Variants in ZNF98 observed in about 807,000 individuals in gnomAD.
ZNF98 encodes zinc finger protein 98.
A neutral mutation model predicts 12.8 loss-of-function variants in ZNF98; 8 were observed. The ratio of observed to expected loss-of-function variants is 0.63; its 90% CI spans 0.37 to 1.13. The LOEUF (loss-of-function observed/expected upper bound fraction) is 1.13. Among genes scored for constraint, ZNF98 ranks in the 50% most tolerant of loss-of-function variants. The pLI is 0.01. For synonymous variants in ZNF98, 112 were observed against 223.5 expected (o/e 0.50, Z 4.45); for missense variants, 379 against 666.1 (o/e 0.57, Z 4.74).
intron 1 of ZNF98, among the ~76,000 whole-genome samples, chr19:22,404,777 C>G (rs1372823254): frequency 6.6e-6 from 1 of 151,874 alleles, no homozygotes; most frequent in Non-Finnish European, 1.5e-5. Flanking sequence ...TCTTTCACAC[C>G]CTAAAGAGCA....
At chr19:22,405,316 T>G (rs1330612491) in intron 1 of ZNF98, among the ~76,000 whole-genome samples, 2 of 146,228 alleles carry the variant, frequency 1.4e-5, no homozygotes, top group African/African-American at 5.0e-5. Context: ...GATGGCCAAC[T>G]AGAAGCAGCT....
intron 1 of ZNF98, among the ~76,000 whole-genome samples, chr19:22,417,322 A>T (rs1238784305): frequency 6.6e-6 from 1 of 151,698 alleles, no homozygotes; most frequent in African/African-American, 2.4e-5. Context: ...ACTGAGGCGT[A>T]GTTGAGGTTA....
rs548046878 is a variant in ZNF98, at chr19:22,411,500, T to C, written c.31-7988A>G. On this transcript the variant is annotated intron_variant, in intron 1 of 3. Transcript: ENST00000357774. Reference sequence around the variant, plus strand: ...TTTCATGTGCTCTTAAAATGAGCTTTACTCTGAACAAATCTGTGCGTACTT... The same window carrying C: ...TTTCATGTGCTCTTAAAATGAGCTTCACTCTGAACAAATCTGTGCGTACTT... 8.7e-4 allele frequency among the ~76,000 whole-genome samples: 132 copies of C among 152,360 alleles called. 1 individual carries two copies. The highest frequency in any genetic ancestry group is 1.6e-3 in the Non-Finnish European group (111 of 68,034).
intron 1 of ZNF98, among the ~76,000 whole-genome samples, chr19:22,411,170 G>T (rs886571656): frequency 6.6e-6 from 1 of 152,108 alleles, no homozygotes; most frequent in Non-Finnish European, 1.5e-5. Flanking sequence ...AGCCTTCCGA[G>T]TAGCTGGAAC....
rs1182894433 is a variant in ZNF98 at position 22,391,905 on chromosome 19, T to C, written c.1330A>G (p.Asn444Asp). 1 of 1,332,558 alleles carries C rather than the reference T, an allele frequency of 7.5e-7. No homozygotes were observed. Among genetic ancestry groups the C allele is most frequent in the African/African-American group, 1.7e-5 (1 of 58,860 alleles). 82.5% of individuals were successfully genotyped at this position (1,332,558 alleles called of 1,614,324 possible). A position where few individuals can be genotyped will look rare whatever the true frequency, so the allele number is the denominator to read the frequency against. ...TGTGTAGTAAGTTGTGATGATAGGTTAAAAGCTTTGCCACATTCTTCACAT... is the reference window on the plus strand; with the variant it reads ...TGTGTAGTAAGTTGTGATGATAGGTCAAAAGCTTTGCCACATTCTTCACAT... ...YKCEECGKAF[N>D]LSSQLTTHKI... Residue 444 changes from asparagine to aspartate, a missense_variant, in exon 4 of 4, where the codon AAC (asparagine) becomes GAC (aspartate). By Grantham distance (23) the Asn-to-Asp change is conservative. This residue lies in a region of ZNF98 where 19 missense variants were observed against 119.7 expected (regional missense o/e 0.16). Transcript: ENST00000357774.
chr19:22,418,005 T>C (rs144720311), intron 1 of ZNF98, among the ~76,000 whole-genome samples: 2,390 of 152,284 alleles, frequency 0.016, 77 homozygotes, highest in African/African-American at 0.055. Flanking sequence ...CAGAGTTTTA[T>C]TCCAGGCCAG....
chr19:22,394,417 C>G (rs529707454), intron 3 of ZNF98, among the ~76,000 whole-genome samples: 2 of 152,224 alleles, frequency 1.3e-5, no homozygotes, highest in South Asian at 4.1e-4. Flanking sequence ...TTCACAATAG[C>G]AAAGACTTGG....
At chr19:22,411,320 A>G (rs1364229132) in intron 1 of ZNF98, among the ~76,000 whole-genome samples, 1 of 152,180 alleles carries the variant, frequency 6.6e-6, no homozygotes, top group East Asian at 1.9e-4. Flanking sequence ...TATAGGTGTG[A>G]GCCACCGCAC....
chr19:22,401,029 A>T (rs1969450483), intron 3 of ZNF98, among the ~76,000 whole-genome samples: 1 of 151,014 alleles, frequency 6.6e-6, no homozygotes, highest in African/African-American at 2.4e-5. Flanking sequence ...ACTCACAGAC[A>T]CCAATGCAAA....
At chr19:22,403,258 TA>T (rs375950161) in intron 2 of ZNF98, 127 bp downstream of exon 2, 19,228 of 767,522 alleles carry the variant, frequency 0.025, no homozygotes, top group South Asian at 0.049. Context: ...ATCTTGAAGT[TA>T]AAAAAAAAAA....
intron 1 of ZNF98, among the ~76,000 whole-genome samples, chr19:22,414,387 A>C (rs1391065746): frequency 6.6e-6 from 1 of 152,122 alleles, no homozygotes; most frequent in Non-Finnish European, 1.5e-5. Flanking sequence ...AAAACAAAAA[A>C]ACTTTTAAAA....
At chr19:22,403,277 A>C (rs1456882637) in intron 2 of ZNF98, 109 bp downstream of exon 2, 16 of 1,313,444 alleles carry the variant, frequency 1.2e-5, no homozygotes, top group Non-Finnish European at 1.6e-5. Context: ...AAAACAAAAA[A>C]AAAAAACAGA....
intron 1 of ZNF98, among the ~76,000 whole-genome samples, chr19:22,413,467 A>G (rs1969602930): frequency 6.6e-6 from 1 of 152,216 alleles, no homozygotes; most frequent in African/African-American, 2.4e-5. Context: ...GCCAAATGAA[A>G]AACGGAATCC....
intron 1 of ZNF98, among the ~76,000 whole-genome samples, chr19:22,418,725 T>TA (rs925673520): frequency 9.2e-5 from 14 of 152,072 alleles, no homozygotes; most frequent in South Asian, 6.2e-4. Context: ...CTAAAAATAC[T>TA]AAAAAAATTA....
chr19:22,415,033 G>GA (rs1969624654), intron 1 of ZNF98, among the ~76,000 whole-genome samples: 1 of 151,448 alleles, frequency 6.6e-6, no homozygotes, highest in Non-Finnish European at 1.5e-5. Flanking sequence ...CAAGTTTACA[G>GA]AAAAAAGAAA....
chr19:22,393,757 T>C lies in ZNF98; in HGVS notation c.254-776A>G, dbSNP rs182181785. ...CTAGAGGAAAACCTAGACAATACCA[T>C]TCAGGACACAGGTATGGGCAAGGAC... is the stretch of plus-strand genomic sequence containing the variant. On this transcript the variant is annotated intron_variant, in intron 3 of 3. Coordinates refer to ENST00000357774, the MANE Select transcript of ZNF98 (RefSeq NM_001098626.2). Among the ~76,000 whole-genome samples the C allele has an allele frequency of 9.9e-5, 15 of 152,190 alleles. No individual in the cohort carries two copies. The East Asian group carries it at 2.7e-3, about 27-fold the overall frequency.
chr19:22,397,986 G>A (rs573654290), intron 3 of ZNF98, among the ~76,000 whole-genome samples: 75 of 150,992 alleles, frequency 5.0e-4, no homozygotes, highest in African/African-American at 1.6e-3. Context: ...ATGGTCACAT[G>A]AAGAGTCATT....
intron 1 of ZNF98, among the ~76,000 whole-genome samples, chr19:22,412,353 C>G (rs953448931): frequency 5.3e-5 from 8 of 151,964 alleles, no homozygotes; most frequent in African/African-American, 1.9e-4. Flanking sequence ...AAGGCAAGAA[C>G]CAAGAAGTTC....
intron 1 of ZNF98, among the ~76,000 whole-genome samples, chr19:22,408,447 A>G (rs1348601437): frequency 6.6e-6 from 1 of 152,202 alleles, no homozygotes; most frequent in Non-Finnish European, 1.5e-5. Context: ...GGCCAGGGCA[A>G]TCAGGTAAGG....
Sources: allele counts gnomAD v4.1 joint callset (sites outside exome capture counted in the v4.1 genomes callset), GRCh38; gene constraint gnomAD v4.1.1; regional missense constraint gnomAD v4.1.1; transcripts MANE v1.5; gene names NCBI Gene and HGNC (gene_info 2026-07-23, HGNC 2026-07-21).